SGCZ: variants seen among roughly 807,000 people sequenced by gnomAD.
SGCZ encodes the protein sarcoglycan zeta, also known as zeta-sarcoglycan.
A neutral mutation model predicts 41.3 loss-of-function variants in SGCZ; 40 were observed. That is an observed-to-expected ratio of 0.97 (90% CI 0.75 to 1.26). SGCZ has a LOEUF of 1.26. Among genes scored for constraint, SGCZ ranks in the 50% most tolerant of loss-of-function variants. SGCZ has a pLI of 0.00. For missense variants in SGCZ, 552 were observed against 369.8 expected, an observed-to-expected ratio of 1.49 and a Z score of -4.04; for synonymous variants, 206 against 137.5, an observed-to-expected ratio of 1.50 and a Z score of -3.49.
intron 2 of SGCZ, among the ~76,000 whole-genome samples, chr8:14,328,411 T>G (rs894292461): frequency 6.6e-6 from 1 of 152,166 alleles, no homozygotes; most frequent in Non-Finnish European, 1.5e-5. Flanking sequence ...ACTTCTTCCC[T>G]TTGTTAAGTG....
At chr8:14,489,520 G>A (rs573275173) in intron 2 of SGCZ, among the ~76,000 whole-genome samples, 2 of 151,720 alleles carry the variant, frequency 1.3e-5, no homozygotes, top group East Asian at 1.9e-4. Flanking sequence ...GATGTAAATG[G>A]CAGTAAAGGG....
At chr8:14,551,509 ATATATAT>A (rs1189260840) in intron 2 of SGCZ, among the ~76,000 whole-genome samples, 450 of 4,306 alleles carry the variant, frequency 0.1, 34 homozygotes, top group Middle Eastern at 0.25. Flanking sequence ...TATATATATT[ATATATAT>A]TATATATAAT....
intron 3 of SGCZ, among the ~76,000 whole-genome samples, chr8:14,284,056 A>C (rs893452622): frequency 9.9e-5 from 15 of 152,244 alleles, no homozygotes; most frequent in African/African-American, 3.4e-4. Context: ...TTTTATCAAT[A>C]AGATGTCTCT....
Position 14,164,569 on chromosome 8 carries a change from A to G in SGCZ, c.547+11T>C. ...AAGTAAACAATTTTTCAAGACCTCCATCTACAGTACCTGTAACTTTCAGCT... is the reference window on the plus strand; with the variant it reads ...AAGTAAACAATTTTTCAAGACCTCCGTCTACAGTACCTGTAACTTTCAGCT... On this transcript the variant is annotated intron_variant, in intron 5 of 7. Coordinates refer to ENST00000382080, the MANE Select transcript of SGCZ (RefSeq NM_139167.4). 2 of 1,613,038 alleles carry G rather than the reference A, an allele frequency of 1.2e-6. No homozygotes were observed. Among genetic ancestry groups the G allele is most frequent in the Middle Eastern group, 1.7e-4 (1 of 6,052 alleles).
intron 1 of SGCZ, among the ~76,000 whole-genome samples, chr8:14,749,546 C>G (rs1395882817): frequency 1.3e-5 from 2 of 152,114 alleles, no homozygotes; most frequent in East Asian, 3.9e-4. Context: ...TCTTATGTTA[C>G]TGCAGTACCA....
At chr8:14,553,964 G>A (rs1412099694) in intron 2 of SGCZ, among the ~76,000 whole-genome samples, 2 of 152,046 alleles carry the variant, frequency 1.3e-5, no homozygotes, top group Non-Finnish European at 2.9e-5. Flanking sequence ...TAAAAGCAGA[G>A]TAGAGAAACT....
intron 1 of SGCZ, among the ~76,000 whole-genome samples, chr8:15,088,853 T>C (rs1016169801): frequency 1.3e-5 from 2 of 152,176 alleles, no homozygotes; most frequent in African/African-American, 4.8e-5. Flanking sequence ...TGCACCACAA[T>C]TGCAAACAAA....
At chr8:15,141,730 C>T (rs189296355) in intron 1 of SGCZ, among the ~76,000 whole-genome samples, 4 of 152,048 alleles carry the variant, frequency 2.6e-5, no homozygotes, top group Admixed American at 6.6e-5. Flanking sequence ...GGTGAAACCC[C>T]GTCTCTACCA....
At chr8:14,148,241 C>T (rs867126502) in intron 5 of SGCZ, among the ~76,000 whole-genome samples, 13 of 150,804 alleles carry the variant, frequency 8.6e-5, no homozygotes, top group Middle Eastern at 3.4e-3. Context: ...TTAAAAAGTA[C>T]AAAATATCAA....
intron 2 of SGCZ, among the ~76,000 whole-genome samples, chr8:14,461,595 G>T (rs1466304843): frequency 6.6e-6 from 1 of 152,028 alleles, no homozygotes; most frequent in Non-Finnish European, 1.5e-5. Flanking sequence ...GGCAGTTTCA[G>T]TACCATATTT....
At chr8:14,162,649 A>C (rs975869087) in intron 5 of SGCZ, 4 of 152,260 alleles carry the variant, frequency 2.6e-5, no homozygotes, top group African/African-American at 9.7e-5. Context: ...AGAAGTCTTA[A>C]GAAAAATGGA....
At chr8:15,218,710 G>T (rs1366607388) in intron 1 of SGCZ, among the ~76,000 whole-genome samples, 1 of 152,136 alleles carries the variant, frequency 6.6e-6, no homozygotes, top group Non-Finnish European at 1.5e-5. Flanking sequence ...CAGCCCTCAT[G>T]AACATATTAA....
At chr8:15,228,559 T>G (rs1011313870) in intron 1 of SGCZ, among the ~76,000 whole-genome samples, 6 of 152,304 alleles carry the variant, frequency 3.9e-5, no homozygotes, top group African/African-American at 1.4e-4. Flanking sequence ...AATAGCTCAT[T>G]TATTTTTAAC....
At chr8:14,530,726 T>C (rs901085794) in intron 2 of SGCZ, among the ~76,000 whole-genome samples, 4 of 152,108 alleles carry the variant, frequency 2.6e-5, no homozygotes, top group African/African-American at 4.8e-5. Context: ...TGCTTGCTTA[T>C]AGCCCCATCT....
rs568232277 is a variant in SGCZ at position 15,001,043 on chromosome 8, G to C, written c.39+236542C>G. ...ACCAAAACTGAAGCTCTGGCAAAAG[G>C]GACAACAACGGCTGAGTGACACTGC... On this transcript the variant is annotated intron_variant, in intron 1 of 7. Transcript: ENST00000382080. Among the ~76,000 whole-genome samples, 12 of 152,294 alleles carry C rather than the reference G, an allele frequency of 7.9e-5. No individual in the cohort carries two copies. In the East Asian group the frequency reaches 2.1e-3, roughly 27 times the overall value.
intron 1 of SGCZ, among the ~76,000 whole-genome samples, chr8:15,146,040 C>A (rs1262712778): frequency 6.6e-6 from 1 of 151,736 alleles, no homozygotes; most frequent in Non-Finnish European, 1.5e-5. Flanking sequence ...CTGTTAGTGG[C>A]CATGAATAGG....
chr8:14,129,309 G>T (rs934973690), intron 5 of SGCZ, among the ~76,000 whole-genome samples: 1 of 122,694 alleles, frequency 8.2e-6, no homozygotes, highest in Non-Finnish European at 1.6e-5. Flanking sequence ...TCGTGCCATT[G>T]CACTCCAGCC....
intron 3 of SGCZ, among the ~76,000 whole-genome samples, chr8:14,238,789 C>T (rs925977487): frequency 6.6e-6 from 1 of 151,970 alleles, no homozygotes; most frequent in African/African-American, 2.4e-5. Flanking sequence ...ACAAAACTTG[C>T]CCTCTTGGTG....
chr8:15,089,086 A>G (rs1444372594), intron 1 of SGCZ, among the ~76,000 whole-genome samples: 1 of 152,168 alleles, frequency 6.6e-6, no homozygotes, highest in Non-Finnish European at 1.5e-5. Context: ...CAACTTACTG[A>G]AAGTCTAACG....
Sources: gnomAD v4.1 joint callset for allele counts (sites outside exome capture counted in the v4.1 genomes callset) on GRCh38, gnomAD v4.1.1 for gene constraint, MANE v1.5 for transcripts, NCBI Gene and HGNC (gene_info 2026-07-23, HGNC 2026-07-21) for gene names.